The following TMEM234 variants were observed in gnomAD, a reference collection of about 807,000 sequenced individuals.
TMEM234 encodes chromosome 1 open reading frame 91.
Under a neutral mutation model 17.8 loss-of-function variants are expected in TMEM234, and 21 were observed. The ratio of observed to expected loss-of-function variants is 1.18; its 90% CI spans 0.84 to 1.70. The LOEUF is 1.70. Ranked by LOEUF, TMEM234 falls within the 40% of genes most tolerant of loss-of-function variation. The pLI, the probability that TMEM234 is intolerant of heterozygous loss-of-function variation, is 0.00. For synonymous variants in TMEM234, 83 were observed against 73.5 expected, an observed-to-expected ratio of 1.13 and a Z score of -0.66; for missense variants, 137 against 166.9, an observed-to-expected ratio of 0.82 and a Z score of 0.99.
chr1:32,216,136 AG>A (rs1638364038), downstream of TMEM234: 1 of 680,096 alleles, frequency 1.5e-6, no homozygotes, highest in South Asian at 1.9e-5. Context: ...GGCCAGAGAA[AG>A]GAGTAGCTGA....
At chr1:32,216,029 C>T, downstream of TMEM234, 1 of 798,338 alleles carries the variant, frequency 1.3e-6, no homozygotes. Flanking sequence ...CTCCTCAGCC[C>T]TCCCCGTTCT....
chr1:32,214,937 G>A (rs758558005), downstream of TMEM234: 20 of 1,613,914 alleles, frequency 1.2e-5, no homozygotes, highest in Non-Finnish European at 1.7e-5. Flanking sequence ...CATCAGGTGA[G>A]GGGTCCCTGG....
intron 3 of TMEM234, among the ~76,000 whole-genome samples, chr1:32,218,704 G>A (rs1229820970): frequency 2.0e-5 from 3 of 152,258 alleles, no homozygotes; most frequent in East Asian, 1.9e-4. Context: ...TTGGGAGGCC[G>A]AGGCGGGTGG....
intron 3 of TMEM234, 141 bp from the exon 4 acceptor site, chr1:32,217,492 G>T (rs1309325141): frequency 6.5e-7 from 1 of 1,530,554 alleles, no homozygotes; most frequent in South Asian, 1.2e-5. Flanking sequence ...CAAATCTCAG[G>T]ACTCAAACCC....
chr1:32,216,430 G>A lies in TMEM234; in HGVS notation c.*423C>T. ...CTCATTCAGCCAAAGCGCTCTGACTGAGTCCCAGAGGCCTCCCGTTTGCAT... is the reference window on the plus strand; with the variant it reads ...CTCATTCAGCCAAAGCGCTCTGACTAAGTCCCAGAGGCCTCCCGTTTGCAT... On this transcript the variant is annotated 3_prime_UTR_variant, in exon 5 of 5. Coordinates refer to ENST00000309777, the MANE Select transcript of TMEM234 (RefSeq NM_019118.5). 1.3e-6 allele frequency: 2 copies of A among 1,551,668 alleles called. No homozygotes were observed. The highest frequency in any genetic ancestry group is 1.7e-6 in the Non-Finnish European group (2 of 1,146,990).
chr1:32,221,086 G>C, intron 3 of TMEM234, 45 bp downstream of exon 3: 1 of 1,540,826 alleles, frequency 6.5e-7, no homozygotes, highest in Non-Finnish European at 8.9e-7. Flanking sequence ...CACTCTTCCA[G>C]GTGGCCTCAA....
At chr1:32,214,999 C>A, downstream of TMEM234, 1 of 1,588,402 alleles carries the variant, frequency 6.3e-7, no homozygotes, top group South Asian at 1.1e-5. Flanking sequence ...TTGGTCCCTG[C>A]TGTTGTTGGG....
At chr1:32,217,649 A>G in intron 3 of TMEM234, 2 of 561,076 alleles carry the variant, frequency 3.6e-6, no homozygotes, top group Middle Eastern at 5.5e-4. Context: ...ATCTGGACGG[A>G]CAGGCAGGCA....
At chr1:32,215,108 C>A, downstream of TMEM234, 2 of 881,760 alleles carry the variant, frequency 2.3e-6, no homozygotes, top group Non-Finnish European at 1.6e-6. Context: ...GGAGACTGCC[C>A]GTAAAAAAAA....
At chr1:32,222,128 C>G in intron 1 of TMEM234, 110 bp from the exon 2 acceptor site, 2 of 1,505,342 alleles carry the variant, frequency 1.3e-6, no homozygotes, top group Non-Finnish European at 1.8e-6. Context: ...CTCCTTCGCT[C>G]TCTTCGCCTC....
At chr1:32,215,256 T>A, downstream of TMEM234, 2 of 592,320 alleles carry the variant, frequency 3.4e-6, no homozygotes, top group Non-Finnish European at 5.9e-6. Flanking sequence ...ACTTCAGGGG[T>A]GGGATATAGA....
Position 32,221,878 on chromosome 1 carries a change from A to T in TMEM234, c.157T>A (p.Leu53Met). 1 of 1,612,750 alleles carries T rather than the reference A, an allele frequency of 6.2e-7. No homozygotes were observed. Among genetic ancestry groups the T allele is most frequent in the East Asian group, 2.2e-5 (1 of 44,806 alleles). The change falls in exon 2 of 5, where the codon TTG becomes ATG. Residue 53 changes from leucine (L) to methionine (M), a missense_variant. By Grantham distance (15) the Leu-to-Met change is conservative. Coordinates refer to ENST00000309777, the MANE Select transcript of TMEM234 (RefSeq NM_019118.5). ...TCACAGAGACGCACCTCAGTATTCA[A>T]GAAGAGGGTCTTCATCTCCTGTAGC... ...QLLQEMKTLFLNTEYLMPFLL... is the reference protein window; with the variant it reads ...QLLQEMKTLFMNTEYLMPFLL...
At chr1:32,215,028 A>G, downstream of TMEM234, 1 of 1,490,572 alleles carries the variant, frequency 6.7e-7, no homozygotes, top group Non-Finnish European at 9.0e-7. Flanking sequence ...TGGGAGCAGA[A>G]TGCTCAGACA....
chr1:32,221,933 C>T lies in TMEM234; in HGVS notation c.102G>A (p.Arg34=), dbSNP rs771063215. The change falls in exon 2 of 5, where the codon CGG becomes CGA. Residue 34 remains arginine (R), a synonymous_variant. Transcript: ENST00000309777. The part of the protein sequence containing the change: ...LLKRASAGLQ[R]VHEPTWAQQL... ...GCTGGGCCCAGGTCGGCTCATGAAC[C>T]CGCTGCAGGCCGGCGGAGGCCCGCT... 1.2e-6 allele frequency: 2 copies of T among 1,612,160 alleles called. No homozygotes were observed. Among genetic ancestry groups the T allele is most frequent in the Non-Finnish European group, 1.7e-6 (2 of 1,179,974 alleles).
In TMEM234 at chr1:32,216,343, T is replaced by C. The variant is rs1308249351; in HGVS notation, c.*510A>G. ...ACCTCATGGGTGGGGCAGGCAAGGCTAATAGACAGCTCATTTCCTGCATCT... is the reference window on the plus strand; with the variant it reads ...ACCTCATGGGTGGGGCAGGCAAGGCCAATAGACAGCTCATTTCCTGCATCT... On this transcript the variant is annotated 3_prime_UTR_variant, in exon 5 of 5. Coordinates refer to ENST00000309777, the MANE Select transcript of TMEM234 (RefSeq NM_019118.5). 1.3e-5 allele frequency: 20 copies of C among 1,546,022 alleles called. No homozygotes were observed. Among genetic ancestry groups the C allele is most frequent in the Non-Finnish European group, 1.7e-5 (20 of 1,145,102 alleles).
downstream of TMEM234, chr1:32,215,768 G>T: frequency 6.7e-7 from 1 of 1,486,010 alleles, no homozygotes. Context: ...CCATACTCAC[G>T]GCTCCATTCT....
At chr1:32,222,098 A>C in intron 1 of TMEM234, 80 bp from the exon 2 acceptor site, 1 of 1,503,262 alleles carries the variant, frequency 6.7e-7, no homozygotes, top group Non-Finnish European at 8.9e-7. Flanking sequence ...TTCTAGCCCC[A>C]GCTAGCCGCC....
At chr1:32,217,576 G>T in intron 3 of TMEM234, 3 of 973,734 alleles carry the variant, frequency 3.1e-6, no homozygotes, top group South Asian at 1.4e-5. Context: ...TCTGGGACCA[G>T]CCTGGTTTGA....
rs746731151 is a variant in TMEM234 at position 32,222,031 on chromosome 1, G to A, written c.17-13C>T. 2.5e-6 allele frequency: 4 copies of A among 1,604,914 alleles called. No homozygotes were observed. Among genetic ancestry groups the A allele is most frequent in the African/African-American group, 2.7e-5 (2 of 74,758 alleles). Reference sequence around the variant, plus strand: ...GCCAACACCTGCCCTGAATGCAGACGAGTGAGTCACCCTGACCCCCACCCC... The same window carrying A: ...GCCAACACCTGCCCTGAATGCAGACAAGTGAGTCACCCTGACCCCCACCCC... On this transcript the variant is annotated splice_polypyrimidine_tract_variant and intron_variant, in intron 1 of 4. Coordinates refer to ENST00000309777, the MANE Select transcript of TMEM234 (RefSeq NM_019118.5).
Sources: gnomAD v4.1 joint callset for allele counts (sites outside exome capture counted in the v4.1 genomes callset) on GRCh38, gnomAD v4.1.1 for gene constraint, MANE v1.5 for transcripts, NCBI Gene and HGNC (gene_info 2026-07-23, HGNC 2026-07-21) for gene names.